Variants in GVQW3 observed in about 807,000 individuals in gnomAD.
GVQW3 encodes the protein GVQW motif containing 3.
A neutral mutation model predicts 12.5 loss-of-function variants in GVQW3; 7 were observed. That is an observed-to-expected ratio of 0.56 (90% CI 0.32 to 1.05). The LOEUF (loss-of-function observed/expected upper bound fraction) is 1.05. Among genes scored for constraint, GVQW3 ranks in the 50% least tolerant of loss-of-function variants. GVQW3 has a pLI of 0.04. For synonymous variants in GVQW3, 71 were observed against 67.2 expected (o/e 1.06, Z -0.28); for missense variants, 188 against 190.8 (o/e 0.99, Z 0.09).
downstream of GVQW3, among the ~76,000 whole-genome samples, chr11:76,409,005 T>C (rs1947064815): frequency 6.6e-6 from 1 of 152,198 alleles, no homozygotes; most frequent in Admixed American, 6.5e-5. Context: ...GGCCATCTCT[T>C]CTATTACCTT....
At chr11:76,389,928 C>T (rs1946875698) in intron 1 of GVQW3, 1 of 152,196 alleles carries the variant, frequency 6.6e-6, no homozygotes, top group Admixed American at 6.5e-5. Flanking sequence ...AATGTTGTAA[C>T]TTACCAAACT....
intron 1 of GVQW3, among the ~76,000 whole-genome samples, chr11:76,387,948 A>T (rs1326428321): frequency 6.6e-6 from 1 of 152,174 alleles, no homozygotes; most frequent in Non-Finnish European, 1.5e-5. Flanking sequence ...ATTGTGGAAT[A>T]TTGGAGGGAC....
Position 76,403,656 on chromosome 11 carries a change from G to A in GVQW3, c.466-4G>A, listed in dbSNP as rs1345759425. On this transcript the variant is annotated splice_region_variant and splice_polypyrimidine_tract_variant and intron_variant, in intron 1 of 1. Transcript: ENST00000529331. Reference sequence around the variant, plus strand: ...AAATAATTTTTTATTTTTATTTTTTGTAGAGACGGAACCTCACTATGTTGC... The same window carrying A: ...AAATAATTTTTTATTTTTATTTTTTATAGAGACGGAACCTCACTATGTTGC... 3.7e-5 allele frequency: 16 copies of A among 437,238 alleles called. No individual in the cohort carries two copies. Among genetic ancestry groups the A allele is most frequent in the East Asian group, 1.0e-4 (3 of 29,072 alleles). The allele number at this position is 437,238 out of a possible 1,614,324, so 27.1% of individuals were successfully genotyped here.
chr11:76,413,530 TATG>T (rs1947095818), exon 2 of GVQW3: 1 of 152,174 alleles, frequency 6.6e-6, no homozygotes, highest in African/African-American at 2.4e-5. Context: ...AGTACCATCT[TATG>T]ATACTAATGG....
chr11:76,392,374 CT>C (rs1332952822), intron 1 of GVQW3: 1 of 152,234 alleles, frequency 6.6e-6, no homozygotes, highest in Non-Finnish European at 1.5e-5. Context: ...GCCAGTACCC[CT>C]GTACCTTGCA....
downstream of GVQW3, among the ~76,000 whole-genome samples, chr11:76,409,842 A>C (rs915290952): frequency 1.3e-5 from 2 of 152,152 alleles, no homozygotes; most frequent in African/African-American, 4.8e-5. Context: ...AGTGATGCTT[A>C]TTTGGAATTG....
downstream of GVQW3, chr11:76,408,208 C>G (rs557343458): frequency 6.6e-6 from 1 of 152,112 alleles, no homozygotes; most frequent in Non-Finnish European, 1.5e-5. Flanking sequence ...GAGACACGTA[C>G]ACAGATACGC....
At chr11:76,392,720 C>T (rs1478445597) in intron 1 of GVQW3, 2 of 152,190 alleles carry the variant, frequency 1.3e-5, no homozygotes, top group East Asian at 3.8e-4. Flanking sequence ...TACCAAATTT[C>T]TCTGGGGTGT....
chr11:76,382,248 T>A lies in GVQW3; in HGVS notation c.420T>A (p.Asp140Glu). 1 of 1,535,724 alleles carries A rather than the reference T, an allele frequency of 6.5e-7. No individual in the cohort carries two copies. Among genetic ancestry groups the A allele is most frequent in the Non-Finnish European group, 8.7e-7 (1 of 1,146,688 alleles). ...CACGAAAACTTGACTTTCGGTCCGA[T>A]CTTTCAAAGGAAACTAGGAAAAATA... ...PKPRKLDFRS[D>E]LSKETRKNSS... Residue 140 changes from aspartate to glutamate, a missense_variant, in exon 1 of 2, where the codon GAT becomes GAA. Physicochemically the swap from Asp to Glu is conservative, Grantham distance 45. Transcript: ENST00000529331.
intron 1 of GVQW3, among the ~76,000 whole-genome samples, chr11:76,402,288 AAC>A (rs1946997002): frequency 6.6e-6 from 1 of 152,048 alleles, no homozygotes; most frequent in African/African-American, 2.4e-5. Context: ...CATGGTGGCT[AAC>A]GCCTGTAATC....
At chr11:76,383,022 T>G (rs532831268) in intron 1 of GVQW3, 1 of 153,246 alleles carries the variant, frequency 6.5e-6, no homozygotes, top group Admixed American at 6.5e-5. Flanking sequence ...CCACCAATAC[T>G]GATCTTCTCA....
chr11:76,389,373 A>G (rs1163880915), intron 1 of GVQW3, among the ~76,000 whole-genome samples: 4 of 152,206 alleles, frequency 2.6e-5, no homozygotes, highest in Admixed American at 1.3e-4. Context: ...TAGAGCTGGC[A>G]GTGGAGAGAT....
At chr11:76,391,058 A>G (rs1478371590) in intron 1 of GVQW3, among the ~76,000 whole-genome samples, 1 of 152,152 alleles carries the variant, frequency 6.6e-6, no homozygotes, top group African/African-American at 2.4e-5. Flanking sequence ...AGGCTTCCTA[A>G]CAGCTCCGGA....
chr11:76,401,630 A>G (rs890775547), intron 1 of GVQW3, among the ~76,000 whole-genome samples: 1 of 152,040 alleles, frequency 6.6e-6, no homozygotes, highest in South Asian at 2.1e-4. Flanking sequence ...AAAATTAGCC[A>G]GGCATGGTGG....
intron 1 of GVQW3, among the ~76,000 whole-genome samples, chr11:76,395,759 G>A (rs369183296): frequency 5.3e-5 from 8 of 152,158 alleles, no homozygotes; most frequent in African/African-American, 1.9e-4. Flanking sequence ...TGATCACATG[G>A]AATACAGTGA....
At chr11:76,391,957 A>C (rs1946896535) in intron 1 of GVQW3, among the ~76,000 whole-genome samples, 1 of 152,232 alleles carries the variant, frequency 6.6e-6, no homozygotes, top group African/African-American at 2.4e-5. Context: ...CTGTCTCAAA[A>C]AAACAAACAA....
intron 1 of GVQW3, among the ~76,000 whole-genome samples, chr11:76,396,086 T>G (rs573463927): frequency 6.6e-6 from 1 of 152,276 alleles, no homozygotes; most frequent in Non-Finnish European, 1.5e-5. Flanking sequence ...TGAGGGGGCT[T>G]TGTATATTTG....
intron 1 of GVQW3, among the ~76,000 whole-genome samples, chr11:76,386,469 T>C (rs1330298842): frequency 6.6e-6 from 1 of 152,182 alleles, no homozygotes; most frequent in African/African-American, 2.4e-5. Flanking sequence ...AGACTTGCCT[T>C]TGGAAATGCC....
intron 1 of GVQW3, among the ~76,000 whole-genome samples, chr11:76,399,994 T>G (rs542002300): frequency 7.2e-4 from 95 of 131,268 alleles, no homozygotes; most frequent in African/African-American, 2.8e-3. Flanking sequence ...AATAAATCTC[T>G]CTCTCTCTGT....
Sources: gnomAD v4.1 joint callset for allele counts (sites outside exome capture counted in the v4.1 genomes callset) on GRCh38, gnomAD v4.1.1 for gene constraint, MANE v1.5 for transcripts, NCBI Gene and HGNC (gene_info 2026-07-23, HGNC 2026-07-21) for gene names.